MPP7: variants seen among roughly 807,000 people sequenced by gnomAD.
The protein encoded by MPP7 is MAGUK p55 scaffold protein 7.
In MPP7, 60 loss-of-function variants were observed where a neutral mutation model predicts 76.5. The ratio of observed to expected loss-of-function variants is 0.78; its 90% CI spans 0.64 to 0.97. MPP7 has a LOEUF of 0.97. MPP7 is among the 50% of genes least tolerant of loss of function. The pLI is 0.00. For synonymous variants in MPP7, 237 were observed against 244.5 expected (o/e 0.97, Z 0.29); for missense variants, 641 against 694.0 (o/e 0.92, Z 0.86).
intron 12 of MPP7, among the ~76,000 whole-genome samples, chr10:28,078,640 T>G (rs1384918170): frequency 2.0e-5 from 3 of 152,200 alleles, no homozygotes; most frequent in Admixed American, 2.0e-4. Context: ...TCATAAGAAT[T>G]TATAAAACCA....
At chr10:28,321,951 G>T (rs1454366181) in intron 2 of MPP7, among the ~76,000 whole-genome samples, 1 of 37,372 alleles carries the variant, frequency 2.7e-5, no homozygotes, top group African/African-American at 1.1e-4. Context: ...TTGTAGACGT[G>T]TGTGTGTGTG....
chr10:28,114,930 G>A (rs2133581886), intron 11 of MPP7, among the ~76,000 whole-genome samples: 1 of 152,240 alleles, frequency 6.6e-6, no homozygotes, highest in East Asian at 1.9e-4. Flanking sequence ...ACAGTTAGAA[G>A]GTTCTTCACC....
At chr10:28,197,026 C>A (rs894117122) in intron 3 of MPP7, among the ~76,000 whole-genome samples, 7 of 152,106 alleles carry the variant, frequency 4.6e-5, no homozygotes, top group African/African-American at 1.7e-4. Flanking sequence ...CTGCCCACAG[C>A]CTTCCTGGTG....
At chr10:28,257,767 A>C (rs1839833608) in intron 1 of MPP7, among the ~76,000 whole-genome samples, 1 of 151,350 alleles carries the variant, frequency 6.6e-6, no homozygotes, top group African/African-American at 2.4e-5. Flanking sequence ...AAAAGAAAAG[A>C]AAGCTTGTTT....
chr10:28,074,628 A>G (rs1852402526), intron 12 of MPP7, among the ~76,000 whole-genome samples: 1 of 152,090 alleles, frequency 6.6e-6, no homozygotes, highest in Non-Finnish European at 1.5e-5. Context: ...TTCCAGCCAT[A>G]TACTCTCACA....
chr10:28,243,096 A>G (rs895090086), intron 1 of MPP7, among the ~76,000 whole-genome samples: 5 of 152,144 alleles, frequency 3.3e-5, no homozygotes, highest in Non-Finnish European at 7.4e-5. Flanking sequence ...TTTTAACTTA[A>G]AAGAACAACT....
At chr10:28,093,595 T>G (rs1853423018) in intron 11 of MPP7, among the ~76,000 whole-genome samples, 2 of 151,924 alleles carry the variant, frequency 1.3e-5, no homozygotes, top group Admixed American at 1.3e-4. Flanking sequence ...TACAGACGCC[T>G]GCCACCACAC....
intron 1 of MPP7, among the ~76,000 whole-genome samples, chr10:28,334,049 A>C (rs1376119083): frequency 6.6e-6 from 1 of 152,138 alleles, no homozygotes; most frequent in African/African-American, 2.4e-5. Context: ...AAATACGAAA[A>C]AATTAGCCAG....
chr10:28,152,499 AT>A (rs1358199749), intron 3 of MPP7, among the ~76,000 whole-genome samples: 1 of 152,196 alleles, frequency 6.6e-6, no homozygotes, highest in Non-Finnish European at 1.5e-5. Context: ...GGCAACACAT[AT>A]AGACTTCACC....
chr10:28,057,883 T>C (rs1479405406), intron 15 of MPP7: 1 of 1,209,090 alleles, frequency 8.3e-7, no homozygotes, highest in African/African-American at 1.6e-5. Context: ...GGGCTGGGGA[T>C]CTGCTGGAAG....
chr10:28,183,745 G>A (rs1199225668), intron 3 of MPP7, among the ~76,000 whole-genome samples: 1 of 152,086 alleles, frequency 6.6e-6, no homozygotes, highest in Admixed American at 6.6e-5. Context: ...ATAATCAATC[G>A]CTCCACAGCA....
chr10:28,053,935 C>A lies in MPP7; in HGVS notation c.*130G>T. Reference sequence around the variant, plus strand: ...AGGCTGTAAAAAGATACAAACAAAACCAGCATTCAACTTGAACCAAGATTG... The same window carrying A: ...AGGCTGTAAAAAGATACAAACAAAAACAGCATTCAACTTGAACCAAGATTG... On this transcript the variant is annotated 3_prime_UTR_variant, in exon 17 of 17. Transcript: ENST00000683449. The A allele has an allele frequency of 1.4e-6, 1 of 721,276 alleles. No homozygotes were observed. The highest frequency in any genetic ancestry group is 1.7e-5 in the South Asian group (1 of 58,160). The allele number at this position is 721,276 out of a possible 1,614,324, so 44.7% of individuals were successfully genotyped here.
intron 5 of MPP7, 43 bp from the exon 6 acceptor site, chr10:28,131,734 C>G: frequency 9.1e-7 from 1 of 1,095,562 alleles, no homozygotes. Flanking sequence ...AATATACATA[C>G]TTATATATTA....
chr10:28,123,727 C>T (rs1564643277), intron 8 of MPP7, among the ~76,000 whole-genome samples: 1 of 152,038 alleles, frequency 6.6e-6, no homozygotes, highest in Non-Finnish European at 1.5e-5. Flanking sequence ...CTGTCTCAGC[C>T]TCCCAAAGTG....
chr10:28,294,985 C>A (rs1172946615), intron 1 of MPP7, among the ~76,000 whole-genome samples: 1 of 152,082 alleles, frequency 6.6e-6, no homozygotes, highest in African/African-American at 2.4e-5. Flanking sequence ...AGTGGCTGGC[C>A]CCTGCAGTGG....
intron 2 of MPP7, among the ~76,000 whole-genome samples, chr10:28,323,945 A>C (rs1834389108): frequency 6.6e-6 from 1 of 152,232 alleles, no homozygotes; most frequent in Non-Finnish European, 1.5e-5. Flanking sequence ...CTAGGGATAC[A>C]CAATGAATAA....
At chr10:28,139,069 A>G (rs1835432679) in intron 5 of MPP7, among the ~76,000 whole-genome samples, 1 of 152,208 alleles carries the variant, frequency 6.6e-6, no homozygotes, top group Non-Finnish European at 1.5e-5. Context: ...AGGGACGAAC[A>G]TAGAAATGAT....
At chr10:28,176,882 T>TG (rs1168146184) in intron 3 of MPP7, among the ~76,000 whole-genome samples, 20 of 5,206 alleles carry the variant, frequency 3.8e-3, no homozygotes, top group Non-Finnish European at 5.1e-3. Flanking sequence ...TGTCGTGGGG[T>TG]GGGGGGGTGG....
rs1000285235 is a variant in MPP7 at position 28,225,097 on chromosome 10, G to C, written c.37+13471C>G. 2.0e-5 allele frequency among the ~76,000 whole-genome samples: 3 copies of C among 152,250 alleles called. No homozygotes were observed. The South Asian group carries it at 6.2e-4, about 32-fold the overall frequency. On this transcript the variant is annotated intron_variant, in intron 2 of 16. Coordinates refer to ENST00000683449, the MANE Select transcript of MPP7 (RefSeq NM_001318170.2). Reference sequence around the variant, plus strand: ...ATGCAGAGATGAAAAACTACATACAGTGCTGGGACAATGGAATTTCCACAT... The same window carrying C: ...ATGCAGAGATGAAAAACTACATACACTGCTGGGACAATGGAATTTCCACAT...
Sources: allele counts gnomAD v4.1 joint callset (sites outside exome capture counted in the v4.1 genomes callset), GRCh38; gene constraint gnomAD v4.1.1; transcripts MANE v1.5; gene names NCBI Gene and HGNC (gene_info 2026-07-23, HGNC 2026-07-21).